The following DOCK4 variants were observed in gnomAD, a reference collection of about 807,000 sequenced individuals.
The protein encoded by DOCK4 is dedicator of cytokinesis protein 4.
Under a neutral mutation model 268.1 loss-of-function variants are expected in DOCK4, and 97 were observed. The observed-to-expected ratio is 0.36, with a 90% confidence interval of 0.31 to 0.43. The LOEUF is 0.43. Among genes scored for constraint, DOCK4 ranks in the 20% least tolerant of loss-of-function variants. The pLI, the probability that DOCK4 is intolerant of heterozygous loss-of-function variation, is 1.00. For missense variants in DOCK4, 2,145 were observed against 2,455.7 expected, an observed-to-expected ratio of 0.87 and a Z score of 2.67; for synonymous variants, 954 against 887.2, an observed-to-expected ratio of 1.08 and a Z score of -1.34.
At chr7:111,864,253 A>AC (rs912911858) in intron 22 of DOCK4, among the ~76,000 whole-genome samples, 36 of 152,106 alleles carry the variant, frequency 2.4e-4, no homozygotes, top group African/African-American at 8.4e-4. Context: ...TAAAAAAAAA[A>AC]AAAACCCGAT....
chr7:111,901,160 C>G (rs1476632507), intron 14 of DOCK4, among the ~76,000 whole-genome samples: 1 of 151,888 alleles, frequency 6.6e-6, no homozygotes. Context: ...ACGGTGAAAC[C>G]CTGTCTCTAC....
chr7:112,070,720 G>A (rs1395563179), intron 1 of DOCK4, among the ~76,000 whole-genome samples: 1 of 152,120 alleles, frequency 6.6e-6, no homozygotes, highest in African/African-American at 2.4e-5. Context: ...AAAATAAACT[G>A]AGGTCATGAG....
At chr7:112,065,718 A>G (rs1297663714) in intron 1 of DOCK4, among the ~76,000 whole-genome samples, 2 of 152,000 alleles carry the variant, frequency 1.3e-5, no homozygotes, top group African/African-American at 4.8e-5. Flanking sequence ...ATAAGGGTAG[A>G]TGACTTCCAA....
chr7:112,096,185 C>CTT lies in DOCK4; in HGVS notation c.38-92056_38-92055dup, dbSNP rs34454243. Among the ~76,000 whole-genome samples the CTT allele has an allele frequency of 8.6e-5, 13 of 150,900 alleles. 2 individuals are homozygous for CTT. Among genetic ancestry groups the CTT allele is most frequent in the African/African-American group, 2.7e-4 (11 of 41,164 alleles). ...GTGTGTGTGATATTTTTAGGGCATT[C>CTT]TTTTTTTTTAGACAAAGTCTTATTC... is the stretch of plus-strand genomic sequence containing the variant. On this transcript the variant is annotated intron_variant, in intron 1 of 52. Transcript: ENST00000428084.
At chr7:111,754,092 G>A (rs1796869524) in intron 42 of DOCK4, among the ~76,000 whole-genome samples, 1 of 152,198 alleles carries the variant, frequency 6.6e-6, no homozygotes, top group African/African-American at 2.4e-5. Flanking sequence ...CAGCATGGAT[G>A]ACTAAAAACA....
At chr7:111,954,578 C>G (rs546773155) in intron 8 of DOCK4, among the ~76,000 whole-genome samples, 2 of 152,096 alleles carry the variant, frequency 1.3e-5, no homozygotes, top group African/African-American at 2.4e-5. Flanking sequence ...CAGCAGCGTG[C>G]GTCAGCAAGA....
intron 1 of DOCK4, among the ~76,000 whole-genome samples, chr7:112,192,962 C>T (rs1587019155): frequency 6.6e-6 from 1 of 152,102 alleles, no homozygotes; most frequent in South Asian, 2.1e-4. Context: ...AAAGAAATTC[C>T]TCCAAATATT....
intron 1 of DOCK4, among the ~76,000 whole-genome samples, chr7:112,161,735 T>C (rs1256357414): frequency 1.3e-5 from 2 of 152,216 alleles, no homozygotes; most frequent in African/African-American, 4.8e-5. Flanking sequence ...ACAGTCTCTC[T>C]GGAACACTTA....
At chr7:112,165,308 C>T (rs909567825) in intron 1 of DOCK4, among the ~76,000 whole-genome samples, 1 of 151,706 alleles carries the variant, frequency 6.6e-6, no homozygotes, top group Non-Finnish European at 1.5e-5. Flanking sequence ...TGCATCCTCC[C>T]CTCTCCCTTC....
intron 26 of DOCK4, among the ~76,000 whole-genome samples, chr7:111,832,691 C>T (rs1229997190): frequency 6.6e-6 from 1 of 152,124 alleles, no homozygotes; most frequent in Non-Finnish European, 1.5e-5. Flanking sequence ...CCATGCCCAG[C>T]TAATTTTTGT....
At chr7:111,852,193 C>T (rs913929173) in intron 23 of DOCK4, among the ~76,000 whole-genome samples, 3 of 151,886 alleles carry the variant, frequency 2.0e-5, no homozygotes, top group Non-Finnish European at 4.4e-5. Flanking sequence ...TGAACTCCTC[C>T]GCTCAGGCAA....
chr7:111,739,116 C>T lies in DOCK4; in HGVS notation c.5232+18G>A. The T allele has an allele frequency of 1.9e-6, 3 of 1,597,448 alleles. No homozygotes were observed. The highest frequency in any genetic ancestry group is 2.6e-6 in the Non-Finnish European group (3 of 1,165,272). On this transcript the variant is annotated intron_variant, in intron 49 of 52. Coordinates refer to ENST00000428084, the MANE Select transcript of DOCK4 (RefSeq NM_001363540.2). ...GAATTGTCCTTGTTTTCTAGTTTCTCTACCCTACAAGGAGTACCTGCGAAG... is the reference window on the plus strand; with the variant it reads ...GAATTGTCCTTGTTTTCTAGTTTCTTTACCCTACAAGGAGTACCTGCGAAG...
chr7:112,134,111 G>T (rs1448080669), intron 1 of DOCK4, among the ~76,000 whole-genome samples: 1 of 152,134 alleles, frequency 6.6e-6, no homozygotes, highest in African/African-American at 2.4e-5. Flanking sequence ...ATACTTCACT[G>T]CATTACAATG....
intron 1 of DOCK4, among the ~76,000 whole-genome samples, chr7:112,055,907 T>C (rs563641019): frequency 5.7e-4 from 84 of 147,670 alleles, no homozygotes; most frequent in African/African-American, 2.1e-3. Flanking sequence ...GGAGATTCTG[T>C]CTAAAAAAAA....
At chr7:112,032,722 C>A (rs1337194707) in intron 1 of DOCK4, among the ~76,000 whole-genome samples, 1 of 152,122 alleles carries the variant, frequency 6.6e-6, no homozygotes, top group Non-Finnish European at 1.5e-5. Context: ...TTTATTGGCT[C>A]ATTTTCCCCA....
At chr7:111,963,000 G>A (rs949021195) in intron 8 of DOCK4, among the ~76,000 whole-genome samples, 1 of 152,108 alleles carries the variant, frequency 6.6e-6, no homozygotes, top group African/African-American at 2.4e-5. Context: ...ACCAACTGGT[G>A]GTACTCAGGT....
intron 1 of DOCK4, among the ~76,000 whole-genome samples, chr7:112,084,029 C>T (rs1272701118): frequency 1.3e-5 from 2 of 152,178 alleles, no homozygotes; most frequent in African/African-American, 2.4e-5. Context: ...GGAATAGCTT[C>T]GCTGGTTTGC....
chr7:111,914,149 G>T (rs1258769399), intron 13 of DOCK4, among the ~76,000 whole-genome samples: 1 of 151,918 alleles, frequency 6.6e-6, no homozygotes, highest in African/African-American at 2.4e-5. Flanking sequence ...AACTCCTTTC[G>T]GGTTACAGCG....
chr7:112,055,470 G>T (rs953947913), intron 1 of DOCK4, among the ~76,000 whole-genome samples: 3 of 152,116 alleles, frequency 2.0e-5, no homozygotes, highest in Non-Finnish European at 4.4e-5. Flanking sequence ...ATGCAGATGT[G>T]GGGAATGTGC....
Sources: gnomAD v4.1 joint callset for allele counts (sites outside exome capture counted in the v4.1 genomes callset) on GRCh38, gnomAD v4.1.1 for gene constraint, MANE v1.5 for transcripts, NCBI Gene and HGNC (gene_info 2026-07-23, HGNC 2026-07-21) for gene names.